The following CDYL2 variants were observed in gnomAD, a reference collection of about 807,000 sequenced individuals.
CDYL2 encodes the protein chromodomain Y-like protein 2.
CDYL2 carries 23 observed loss-of-function variants against 49.4 expected under a neutral mutation model. That is an observed-to-expected ratio of 0.47 (90% CI 0.34 to 0.66). The LOEUF (loss-of-function observed/expected upper bound fraction) is 0.66. Ranked by LOEUF, CDYL2 falls within the 30% of genes least tolerant of loss-of-function variation. The pLI, the probability that CDYL2 is intolerant of heterozygous loss-of-function variation, is 0.01. For missense variants in CDYL2, 678 were observed against 656.4 expected (o/e 1.03, Z -0.36); for synonymous variants, 360 against 268.8 (o/e 1.34, Z -3.32).
intron 2 of CDYL2, among the ~76,000 whole-genome samples, chr16:80,679,078 C>T (rs1182927748): frequency 7.9e-6 from 1 of 125,936 alleles, no homozygotes; most frequent in Non-Finnish European, 1.5e-5. Context: ...CACATGGACA[C>T]AGGAAGGGGA....
In CDYL2 at chr16:80,599,793, T is replaced by C. The variant is rs922138236; in HGVS notation, c.*4595A>G. ...AATGATGGACCAGCAGCCTTCCCTA[T>C]GACCGTGTCTAAACCATGTTTACAG... On this transcript the variant is annotated 3_prime_UTR_variant, in exon 7 of 7. Coordinates refer to ENST00000570137, the MANE Select transcript of CDYL2 (RefSeq NM_152342.4). 1.3e-5 allele frequency: 2 copies of C among 152,228 alleles called. No homozygotes were observed. Among genetic ancestry groups the C allele is most frequent in the African/African-American group, 4.8e-5 (2 of 41,460 alleles). The allele number at this position is 152,228 out of a possible 1,614,324, so 9.4% of individuals were successfully genotyped here.
intron 1 of CDYL2, among the ~76,000 whole-genome samples, chr16:80,756,249 A>AAT (rs1245053690): frequency 1.3e-5 from 2 of 152,130 alleles, no homozygotes; most frequent in Non-Finnish European, 2.9e-5. Context: ...TTAAAAACCA[A>AAT]ATAGTGGTCC....
chr16:80,685,164 A>G, intron 1 of CDYL2, 35 bp from the exon 2 acceptor site: 1 of 1,541,860 alleles, frequency 6.5e-7, no homozygotes. Context: ...GAAAACAGAG[A>G]GAGAGGGAGG....
chr16:80,651,842 T>C (rs994587622), intron 2 of CDYL2, among the ~76,000 whole-genome samples: 4 of 152,234 alleles, frequency 2.6e-5, no homozygotes, highest in African/African-American at 4.8e-5. Flanking sequence ...ATTCTGATAC[T>C]GTTATACTTG....
intron 1 of CDYL2, among the ~76,000 whole-genome samples, chr16:80,731,947 T>C (rs1390129967): frequency 1.4e-5 from 2 of 147,872 alleles, no homozygotes; most frequent in Non-Finnish European, 3.0e-5. Context: ...CCCAAGCTGA[T>C]GGTGAAGGGG....
chr16:80,672,346 C>CAGAG (rs1392297902), intron 2 of CDYL2, among the ~76,000 whole-genome samples: 1 of 125,872 alleles, frequency 7.9e-6, no homozygotes, highest in Non-Finnish European at 1.9e-5. Context: ...CACACACACA[C>CAGAG]ACACACAGAG....
chr16:80,695,936 C>T (rs1257955214), intron 1 of CDYL2, among the ~76,000 whole-genome samples: 1 of 152,218 alleles, frequency 6.6e-6, no homozygotes, highest in Non-Finnish European at 1.5e-5. Context: ...CAATCAACTG[C>T]TGCAGAACGC....
At chr16:80,692,329 G>C (rs921638649) in intron 1 of CDYL2, among the ~76,000 whole-genome samples, 1 of 152,064 alleles carries the variant, frequency 6.6e-6, no homozygotes, top group Non-Finnish European at 1.5e-5. Flanking sequence ...AGAACATTAT[G>C]TTCCAGAACA....
intron 2 of CDYL2, among the ~76,000 whole-genome samples, chr16:80,638,078 A>T (rs1907919778): frequency 1.3e-5 from 2 of 148,444 alleles, no homozygotes; most frequent in African/African-American, 4.9e-5. Flanking sequence ...GAAAGACTCC[A>T]TTTTTTTTTT....
chr16:80,634,932 T>C (rs376810492), intron 2 of CDYL2, among the ~76,000 whole-genome samples: 1 of 152,220 alleles, frequency 6.6e-6, no homozygotes, highest in Non-Finnish European at 1.5e-5. Flanking sequence ...CCAAAAGCTG[T>C]TCCAGAAAAC....
At chr16:80,722,240 A>G (rs372456969) in intron 1 of CDYL2, among the ~76,000 whole-genome samples, 2 of 152,334 alleles carry the variant, frequency 1.3e-5, no homozygotes, top group South Asian at 2.1e-4. Flanking sequence ...AAGTGAATGA[A>G]AAAACCAATG....
intron 1 of CDYL2, among the ~76,000 whole-genome samples, chr16:80,787,691 T>C (rs1907482005): frequency 1.3e-5 from 2 of 152,214 alleles, no homozygotes; most frequent in Non-Finnish European, 2.9e-5. Flanking sequence ...CAGAAAACTA[T>C]CATGGTAAAT....
chr16:80,793,255 G>A (rs138115558), intron 1 of CDYL2, among the ~76,000 whole-genome samples: 93 of 152,326 alleles, frequency 6.1e-4, no homozygotes, highest in African/African-American at 2.2e-3. Context: ...TGCGTGCTCA[G>A]TGTGAAAGGG....
chr16:80,739,773 C>T (rs1178932407), intron 1 of CDYL2, among the ~76,000 whole-genome samples: 1 of 152,188 alleles, frequency 6.6e-6, no homozygotes, highest in African/African-American at 2.4e-5. Flanking sequence ...ACAGAGAGGT[C>T]ACTGCCTTAC....
chr16:80,707,127 G>A (rs1328145484), intron 1 of CDYL2, among the ~76,000 whole-genome samples: 1 of 152,132 alleles, frequency 6.6e-6, no homozygotes, highest in Non-Finnish European at 1.5e-5. Flanking sequence ...GTTCTACCTG[G>A]TATTGCATTT....
rs1369563011 is a variant in CDYL2, at chr16:80,684,678, C to G, written c.476G>C (p.Gly159Ala). ...CTCATCCTTCTCAGAGCCGGCGTCC[C>G]CATTTTCCATCCCGTTCTGAGACTT... ...LKKSQNGMEN[G>A]DAGSEKDERH... Residue 159 changes from glycine (G) to alanine (A), a missense_variant, in exon 2 of 7, where the codon GGG becomes GCG. Around this residue, in one of 3 missense-constraint regions of CDYL2, gnomAD observed 478 missense variants for 427.0 expected, o/e 1.12. Coordinates refer to ENST00000570137, the MANE Select transcript of CDYL2 (RefSeq NM_152342.4). 1 of 1,614,216 alleles carries G rather than the reference C, an allele frequency of 6.2e-7. No homozygotes were observed. The highest frequency in any genetic ancestry group is 2.2e-5 in the East Asian group (1 of 44,874).
intron 1 of CDYL2, among the ~76,000 whole-genome samples, chr16:80,774,142 A>C (rs887234815): frequency 1.3e-5 from 2 of 152,176 alleles, no homozygotes; most frequent in South Asian, 2.1e-4. Context: ...TACACAAGGA[A>C]AATAACAGAA....
rs769555144 is a variant in CDYL2 at position 80,608,195 on chromosome 16, T to C, written c.1259A>G (p.Gln420Arg). The change falls in exon 6 of 7, where the codon CAG becomes CGG. Residue 420 changes from glutamine to arginine, a missense_variant. This residue lies in a region of CDYL2 where 153 missense variants were observed against 150.6 expected (regional missense o/e 1.02). Transcript: ENST00000570137. ...MLFCGRKLTA[Q>R]EACSRGLVSQ... Reference sequence around the variant, plus strand: ...CACCAGCCCCCTGCTGCAGGCCTCCTGGGCGGTGAGCTTCCGCCCACAGAA... The same window carrying C: ...CACCAGCCCCCTGCTGCAGGCCTCCCGGGCGGTGAGCTTCCGCCCACAGAA... 2.5e-6 allele frequency: 4 copies of C among 1,596,320 alleles called. No individual in the cohort carries two copies. Among genetic ancestry groups the C allele is most frequent in the East Asian group, 2.3e-5 (1 of 44,164 alleles).
chr16:80,607,902 T>C (rs1415330027), intron 6 of CDYL2, among the ~76,000 whole-genome samples, 190 bp downstream of exon 6: 1 of 152,244 alleles, frequency 6.6e-6, no homozygotes. Context: ...CAATTTGTAA[T>C]AATGCTGACT....
Sources: gnomAD v4.1 joint callset for allele counts (sites outside exome capture counted in the v4.1 genomes callset) on GRCh38, gnomAD v4.1.1 for gene constraint, gnomAD v4.1.1 regional missense constraint, MANE v1.5 for transcripts, NCBI Gene and HGNC (gene_info 2026-07-23, HGNC 2026-07-21) for gene names.